GABRB1: variants seen among roughly 807,000 people sequenced by gnomAD.
GABRB1 encodes the protein gamma-aminobutyric acid type A receptor subunit beta1.
GABRB1 carries 17 observed loss-of-function variants against 51.6 expected under a neutral mutation model. That is an observed-to-expected ratio of 0.33 (90% confidence interval 0.23 to 0.49). GABRB1 has a LOEUF of 0.49. Ranked by LOEUF, GABRB1 falls within the 20% of genes least tolerant of loss-of-function variation. The pLI, the probability that GABRB1 is intolerant of heterozygous loss-of-function variation, is 0.99. For missense variants in GABRB1, 410 were observed against 600.6 expected, an observed-to-expected ratio of 0.68 and a Z score of 3.32; for synonymous variants, 247 against 218.9, an observed-to-expected ratio of 1.13 and a Z score of -1.14.
chr4:47,299,244 C>A (rs1237879862), intron 4 of GABRB1, among the ~76,000 whole-genome samples: 1 of 152,142 alleles, frequency 6.6e-6, no homozygotes, highest in African/African-American at 2.4e-5. Context: ...CAAATGGGAT[C>A]TCATTAAACT....
chr4:47,387,233 G>A (rs1385663307), intron 5 of GABRB1, among the ~76,000 whole-genome samples: 3 of 152,202 alleles, frequency 2.0e-5, no homozygotes, highest in East Asian at 3.8e-4. Context: ...AGGCCAAGAC[G>A]GGTGGATCAC....
At chr4:47,297,867 C>G (rs899892445) in intron 4 of GABRB1, among the ~76,000 whole-genome samples, 23 of 152,170 alleles carry the variant, frequency 1.5e-4, no homozygotes, top group Admixed American at 9.8e-4. Flanking sequence ...CCAAATCCAG[C>G]AGCACATCAA....
intron 4 of GABRB1, among the ~76,000 whole-genome samples, chr4:47,182,413 T>C (rs1718988837): frequency 6.6e-6 from 1 of 152,038 alleles, no homozygotes; most frequent in South Asian, 2.1e-4. Context: ...GATGAGCAAA[T>C]GATCCATGAG....
intron 3 of GABRB1, among the ~76,000 whole-genome samples, chr4:47,097,432 G>A (rs1380941729): frequency 1.3e-5 from 2 of 152,096 alleles, no homozygotes; most frequent in Non-Finnish European, 2.9e-5. Context: ...TGAATCTTCC[G>A]TGACTGCAAA....
intron 4 of GABRB1, among the ~76,000 whole-genome samples, chr4:47,236,537 C>G (rs1021917289): frequency 6.6e-6 from 1 of 152,124 alleles, no homozygotes; most frequent in Admixed American, 6.5e-5. Flanking sequence ...TTTACTAATG[C>G]AAAAGCTGGC....
chr4:47,235,134 C>CTA (rs1721281241), intron 4 of GABRB1, among the ~76,000 whole-genome samples: 1 of 152,150 alleles, frequency 6.6e-6, no homozygotes, highest in Non-Finnish European at 1.5e-5. Flanking sequence ...ACATACTAAC[C>CTA]AGTCCTTTGT....
At chr4:47,006,071 C>G (rs1375813758) in intron 1 of GABRB1, among the ~76,000 whole-genome samples, 2 of 151,544 alleles carry the variant, frequency 1.3e-5, no homozygotes, top group African/African-American at 2.4e-5. Flanking sequence ...AAATCAGACA[C>G]TATTTTTCTG....
chr4:47,075,789 C>T (rs1727520582), intron 3 of GABRB1, among the ~76,000 whole-genome samples: 1 of 152,094 alleles, frequency 6.6e-6, no homozygotes, highest in African/African-American at 2.4e-5. Context: ...TTTATGGAGG[C>T]TGGCAGTGGA....
intron 4 of GABRB1, among the ~76,000 whole-genome samples, chr4:47,169,740 G>A (rs1460985765): frequency 6.6e-6 from 1 of 152,052 alleles, no homozygotes; most frequent in Non-Finnish European, 1.5e-5. Context: ...AATCTCAGGT[G>A]ATCCCCCCGC....
chr4:47,251,245 C>T (rs1422752337), intron 4 of GABRB1, among the ~76,000 whole-genome samples: 1 of 152,170 alleles, frequency 6.6e-6, no homozygotes, highest in African/African-American at 2.4e-5. Context: ...AGCAAGTCTA[C>T]CAGGCTCCGG....
At chr4:47,198,118 A>G (rs1415951161) in intron 4 of GABRB1, among the ~76,000 whole-genome samples, 1 of 152,118 alleles carries the variant, frequency 6.6e-6, no homozygotes, top group East Asian at 1.9e-4. Context: ...CGATATCTCT[A>G]CTAATAAACT....
chr4:47,258,978 G>A (rs1403235948), intron 4 of GABRB1, among the ~76,000 whole-genome samples: 1 of 151,962 alleles, frequency 6.6e-6, no homozygotes, highest in African/African-American at 2.4e-5. Flanking sequence ...TTGCTGCCTT[G>A]GAGCTTTAAT....
chr4:47,364,181 AT>A (rs949413316), intron 5 of GABRB1, among the ~76,000 whole-genome samples: 8 of 152,270 alleles, frequency 5.3e-5, no homozygotes, highest in Non-Finnish European at 1.5e-5. Flanking sequence ...ATTGCCTTGG[AT>A]TTTTTGAGAT....
At chr4:47,094,808 TAG>T (rs1714323163) in intron 3 of GABRB1, among the ~76,000 whole-genome samples, 6 of 151,826 alleles carry the variant, frequency 4.0e-5, no homozygotes, top group African/African-American at 1.4e-4. Flanking sequence ...GTTTAATTAA[TAG>T]TACAAAACAG....
chr4:47,250,450 T>A (rs1721943547), intron 4 of GABRB1, among the ~76,000 whole-genome samples: 1 of 152,234 alleles, frequency 6.6e-6, no homozygotes, highest in South Asian at 2.1e-4. Flanking sequence ...CTTTTTGTGA[T>A]GAATTTCCCA....
At chr4:47,077,814 TA>T (rs1457061383) in intron 3 of GABRB1, among the ~76,000 whole-genome samples, 4 of 44,022 alleles carry the variant, frequency 9.1e-5, no homozygotes, top group African/African-American at 2.2e-4. Context: ...TAGAAACATA[TA>T]AAAAAATATA....
At chr4:47,324,016 T>C (rs75250129) in intron 5 of GABRB1, among the ~76,000 whole-genome samples, 9,519 of 152,150 alleles carry the variant, frequency 0.063, 502 homozygotes, top group East Asian at 0.28. Context: ...ATCATGGATG[T>C]GGAAAGAGCT....
At chr4:47,008,488 A>G (rs139498494) in intron 1 of GABRB1, among the ~76,000 whole-genome samples, 494 of 150,606 alleles carry the variant, frequency 3.3e-3, no homozygotes, top group East Asian at 0.012. Context: ...CTTGAGATGG[A>G]GTCTCACTCT....
At chr4:47,355,073 C>T (rs1217659461) in intron 5 of GABRB1, among the ~76,000 whole-genome samples, 1 of 148,270 alleles carries the variant, frequency 6.7e-6, no homozygotes, top group Non-Finnish European at 1.5e-5. Context: ...GCAACCTCCG[C>T]CTCCCGGGTT....
Sources: gnomAD v4.1 joint callset for allele counts (sites outside exome capture counted in the v4.1 genomes callset) on GRCh38, gnomAD v4.1.1 for gene constraint, MANE v1.5 for transcripts, NCBI Gene and HGNC (gene_info 2026-07-23, HGNC 2026-07-21) for gene names.